The following CTNND2 variants were observed in gnomAD, a reference collection of about 807,000 sequenced individuals.
The protein encoded by CTNND2 is catenin delta 2.
In CTNND2, 22 loss-of-function variants were observed where a neutral mutation model predicts 144.4. That is an observed-to-expected ratio of 0.15 (90% CI 0.11 to 0.22). CTNND2 has a LOEUF of 0.22. Ranked by LOEUF, CTNND2 falls within the 10% of genes least tolerant of loss-of-function variation. The probability of loss-of-function intolerance (pLI) is 1.00; values close to 1 mark genes in which losing one functional copy is unlikely to be tolerated. For missense variants in CTNND2, 1,353 were observed against 1,618.8 expected (o/e 0.84, Z 2.82); for synonymous variants, 751 against 695.6 (o/e 1.08, Z -1.25).
chr5:11,070,626 T>C (rs1748154869), intron 16 of CTNND2, among the ~76,000 whole-genome samples: 1 of 152,046 alleles, frequency 6.6e-6, no homozygotes, highest in Admixed American at 6.6e-5. Flanking sequence ...GGAACAACAG[T>C]AACAACTGAC....
intron 8 of CTNND2, among the ~76,000 whole-genome samples, chr5:11,358,960 TCTGA>T (rs1756176312): frequency 6.6e-6 from 1 of 152,320 alleles, no homozygotes; most frequent in Middle Eastern, 3.4e-3. Context: ...AGAAAATCCA[TCTGA>T]CTATCATCAC....
chr5:11,209,004 T>C (rs1461929165), intron 10 of CTNND2, among the ~76,000 whole-genome samples: 1 of 152,050 alleles, frequency 6.6e-6, no homozygotes, highest in Non-Finnish European at 1.5e-5. Flanking sequence ...ACCAAAGAGG[T>C]AAAGAATCAA....
intron 12 of CTNND2, among the ~76,000 whole-genome samples, chr5:11,117,833 G>A (rs567815014): frequency 6.4e-4 from 98 of 152,346 alleles, no homozygotes; most frequent in Admixed American, 2.0e-3. Flanking sequence ...CATGACCGTG[G>A]AGGGTGGGGG....
chr5:11,889,711 G>T (rs1736819454), intron 1 of CTNND2, among the ~76,000 whole-genome samples: 1 of 152,144 alleles, frequency 6.6e-6, no homozygotes, highest in South Asian at 2.1e-4. Flanking sequence ...TCTTATATGA[G>T]ATGAAATAAA....
rs543772701 is a variant in CTNND2, at chr5:11,845,422, G to A, written c.37+58395C>T. Among the ~76,000 whole-genome samples the A allele has an allele frequency of 8.5e-4, 130 of 152,250 alleles. 2 individuals are homozygous for A. The South Asian group carries it at 0.026, about 31-fold the overall frequency. On this transcript the variant is annotated intron_variant, in intron 1 of 21. Transcript: ENST00000304623. ...TGACTTATTTGGAAACAGAGGCATC[G>A]CAGATGTGATTAAGATGAGGTCATA...
rs115935638 is a variant in CTNND2 at position 11,837,484 on chromosome 5, C to G, written c.37+66333G>C. Among the ~76,000 whole-genome samples, 862 of 152,264 alleles carry G rather than the reference C, an allele frequency of 5.7e-3. 8 individuals are homozygous for G. Among genetic ancestry groups the G allele is most frequent in the African/African-American group, 0.019 (796 of 41,560 alleles). The stretch of plus-strand genomic sequence containing the variant: ...AACAGAACTGGTAAGGGCTTGTGAG[C>G]CAAGGGCAGGGAAGACTAGTCATCA... On this transcript the variant is annotated intron_variant, in intron 1 of 21. Coordinates refer to ENST00000304623, the MANE Select transcript of CTNND2 (RefSeq NM_001332.4).
intron 9 of CTNND2, among the ~76,000 whole-genome samples, chr5:11,283,709 G>C (rs1204034840): frequency 9.6e-6 from 1 of 104,048 alleles, no homozygotes; most frequent in Admixed American, 9.2e-5. Context: ...AAAAAAAAGA[G>C]AGAGACATGG....
intron 1 of CTNND2, among the ~76,000 whole-genome samples, chr5:11,793,423 C>A (rs2126872733): frequency 6.6e-6 from 1 of 152,254 alleles, no homozygotes; most frequent in African/African-American, 2.4e-5. Context: ...ACCCCCAATA[C>A]CTCAGAATGT....
chr5:11,750,720 A>T (rs1368856166), intron 1 of CTNND2, among the ~76,000 whole-genome samples: 2 of 151,872 alleles, frequency 1.3e-5, no homozygotes, highest in African/African-American at 4.8e-5. Context: ...ATTCAAAAAC[A>T]GTAATTTTTA....
At chr5:11,695,257 T>C (rs1785090873) in intron 2 of CTNND2, among the ~76,000 whole-genome samples, 1 of 152,192 alleles carries the variant, frequency 6.6e-6, no homozygotes, top group African/African-American at 2.4e-5. Context: ...CTTGTCACAT[T>C]GCTTATTGTT....
chr5:11,075,639 C>T (rs1181863281), intron 16 of CTNND2, among the ~76,000 whole-genome samples: 1 of 152,258 alleles, frequency 6.6e-6, no homozygotes, highest in Admixed American at 6.5e-5. Context: ...CAAGTTGCCA[C>T]CACCCGGGGC....
At chr5:11,015,487 CA>C (rs1741515593) in intron 18 of CTNND2, among the ~76,000 whole-genome samples, 1 of 152,212 alleles carries the variant, frequency 6.6e-6, no homozygotes, top group South Asian at 2.1e-4. Flanking sequence ...TAAGCATCTT[CA>C]ACTCTTGAGT....
At chr5:11,116,787 G>C (rs1245189687) in intron 13 of CTNND2, among the ~76,000 whole-genome samples, 1 of 152,152 alleles carries the variant, frequency 6.6e-6, no homozygotes, top group South Asian at 2.1e-4. Flanking sequence ...TCTGGGTGTG[G>C]TGGCTCATGC....
chr5:11,603,660 C>T (rs949834998), intron 2 of CTNND2, among the ~76,000 whole-genome samples: 1 of 152,110 alleles, frequency 6.6e-6, no homozygotes, highest in Non-Finnish European at 1.5e-5. Flanking sequence ...AAAGGCAAGG[C>T]TATATGACAG....
chr5:11,411,001 A>G (rs1483268526), intron 5 of CTNND2, among the ~76,000 whole-genome samples: 2 of 151,786 alleles, frequency 1.3e-5, no homozygotes, highest in Non-Finnish European at 2.9e-5. Flanking sequence ...CCTCTTGAAT[A>G]GCTGGGACTA....
At chr5:11,364,964 T>G in intron 7 of CTNND2, 74 bp from the exon 8 acceptor site, 1 of 1,343,456 alleles carries the variant, frequency 7.4e-7, no homozygotes, top group East Asian at 2.5e-5. Context: ...AAAGACATAT[T>G]CAAATTTTTT....
chr5:11,094,986 C>T lies in CTNND2; in HGVS notation c.2637+3589G>A, dbSNP rs1026109545. Among the ~76,000 whole-genome samples, 5 of 152,124 alleles carry T rather than the reference C, an allele frequency of 3.3e-5. No homozygotes were observed. In the South Asian group the frequency reaches 8.3e-4, roughly 25 times the overall value. ...GGAATAACTGTGCTGAACTAATGCACAGATTTATTGTGCTGGAAACAGTAA... is the reference window on the plus strand; with the variant it reads ...GGAATAACTGTGCTGAACTAATGCATAGATTTATTGTGCTGGAAACAGTAA... On this transcript the variant is annotated intron_variant, in intron 15 of 21. Coordinates refer to ENST00000304623, the MANE Select transcript of CTNND2 (RefSeq NM_001332.4).
At chr5:11,068,180 G>C (rs1747825510) in intron 16 of CTNND2, among the ~76,000 whole-genome samples, 1 of 152,166 alleles carries the variant, frequency 6.6e-6, no homozygotes, top group African/African-American at 2.4e-5. Flanking sequence ...TTTTCCAAAA[G>C]ATTAGCAGGC....
At chr5:11,091,297 T>G (rs1234245681) in intron 15 of CTNND2, among the ~76,000 whole-genome samples, 1 of 152,222 alleles carries the variant, frequency 6.6e-6, no homozygotes, top group African/African-American at 2.4e-5. Context: ...CCCATGTATT[T>G]TTCATTTCAG....
Sources: gnomAD v4.1 joint callset for allele counts (sites outside exome capture counted in the v4.1 genomes callset) on GRCh38, gnomAD v4.1.1 for gene constraint, MANE v1.5 for transcripts, NCBI Gene and HGNC (gene_info 2026-07-23, HGNC 2026-07-21) for gene names.